The following IL7 variants were observed in gnomAD, a reference collection of about 807,000 sequenced individuals.
IL7 encodes interleukin-7.
In IL7, 3 loss-of-function variants were observed where a neutral mutation model predicts 21.6. The observed-to-expected ratio is 0.14, with a 90% CI of 0.06 to 0.36. IL7 has a LOEUF of 0.36. Ranked by LOEUF, IL7 falls within the 10% of genes least tolerant of loss-of-function variation. The pLI is 1.00. For synonymous variants in IL7, 62 were observed against 68.1 expected (o/e 0.91, Z 0.44); for missense variants, 175 against 200.2 (o/e 0.87, Z 0.76).
At chr8:78,786,650 T>A (rs1338553693) in intron 2 of IL7, among the ~76,000 whole-genome samples, 2 of 152,228 alleles carry the variant, frequency 1.3e-5, no homozygotes, top group South Asian at 4.1e-4. Context: ...GGGGCCATCA[T>A]GGTATATGCA....
intron 5 of IL7, among the ~76,000 whole-genome samples, chr8:78,736,186 A>C (rs1811589719): frequency 6.6e-6 from 1 of 150,522 alleles, no homozygotes; most frequent in Non-Finnish European, 1.5e-5. Flanking sequence ...TTATTTGTTC[A>C]TTTCTTTTAC....
At chr8:78,703,642 C>A (rs1488561837) in intron 3 of IL7, among the ~76,000 whole-genome samples, 1 of 147,950 alleles carries the variant, frequency 6.8e-6, no homozygotes, top group Non-Finnish European at 1.5e-5. Context: ...GTAAATTTTT[C>A]TCCATCCCTT....
At chr8:78,735,276 C>CTTTTTTTTTTTTTTTTGTTTTTTTTTTT (rs1328298966) in intron 5 of IL7, among the ~76,000 whole-genome samples, 6 of 78,516 alleles carry the variant, frequency 7.6e-5, no homozygotes, top group Admixed American at 1.5e-4. Flanking sequence ...CTTTTCTTTT[C>CTTTTTTTTTTTTTTTTGTTTTTTTTTTT]TTTTTTTTTT....
intron 3 of IL7, among the ~76,000 whole-genome samples, chr8:78,739,240 G>T (rs910971118): frequency 6.6e-6 from 1 of 152,034 alleles, no homozygotes; most frequent in Non-Finnish European, 1.5e-5. Flanking sequence ...AAACTTTTTA[G>T]GTTTTTTAAA....
chr8:78,680,219 T>C (rs991659864), intron 4 of IL7, among the ~76,000 whole-genome samples: 31 of 143,120 alleles, frequency 2.2e-4, no homozygotes, highest in African/African-American at 7.9e-4. Context: ...AACTTAAAAA[T>C]TGAATTCTAG....
Position 78,702,360 on chromosome 8 carries a change from T to A in IL7, n.215-16413A>T, listed in dbSNP as rs910427708. On this transcript the variant is annotated intron_variant and non_coding_transcript_variant, in intron 3 of 4. Transcript: ENST00000523959. The stretch of plus-strand genomic sequence containing the variant: ...TGTGTTTATTTGAATATTCTCTATT[T>A]TCTTCTTTTTAGTGTAGCTAGCAGC... 2.6e-5 allele frequency among the ~76,000 whole-genome samples: 4 copies of A among 152,310 alleles called. No individual in the cohort carries two copies. In the East Asian group the frequency reaches 7.7e-4, roughly 29 times the overall value.
At chr8:78,703,571 A>G (rs1314134539) in intron 3 of IL7, among the ~76,000 whole-genome samples, 1 of 150,096 alleles carries the variant, frequency 6.7e-6, no homozygotes, top group Non-Finnish European at 1.5e-5. Context: ...GTTGGTTTAA[A>G]GTCTGTTTTA....
intron 2 of IL7, among the ~76,000 whole-genome samples, chr8:78,763,653 A>G (rs923843384): frequency 6.6e-6 from 1 of 152,250 alleles, no homozygotes; most frequent in Non-Finnish European, 1.5e-5. Context: ...GAATAGGACT[A>G]TATCTATTCA....
At chr8:78,682,073 G>T (rs1187127206) in intron 4 of IL7, among the ~76,000 whole-genome samples, 1 of 151,464 alleles carries the variant, frequency 6.6e-6, no homozygotes, top group Non-Finnish European at 1.5e-5. Context: ...TTGACTTTGT[G>T]GATTCAACAC....
intron 4 of IL7, among the ~76,000 whole-genome samples, chr8:78,683,797 T>G (rs1809866316): frequency 1.3e-5 from 2 of 152,140 alleles, no homozygotes; most frequent in African/African-American, 4.8e-5. Flanking sequence ...TATATTCTGC[T>G]TCCTCTTGAA....
chr8:78,687,490 A>T (rs879930300), intron 3 of IL7, among the ~76,000 whole-genome samples: 2 of 144,962 alleles, frequency 1.4e-5, no homozygotes, highest in East Asian at 3.9e-4. Flanking sequence ...ATAATTATAT[A>T]TGTTTATATA....
intron 4 of IL7, among the ~76,000 whole-genome samples, chr8:78,681,602 G>T (rs1250103981): frequency 6.6e-6 from 1 of 152,120 alleles, no homozygotes; most frequent in East Asian, 1.9e-4. Flanking sequence ...CCCTGAAAGA[G>T]TTTGTGTAAT....
intron 4 of IL7, among the ~76,000 whole-genome samples, chr8:78,682,904 A>G (rs957852810): frequency 3.3e-5 from 5 of 152,220 alleles, no homozygotes; most frequent in African/African-American, 1.2e-4. Flanking sequence ...GAAATGGGCC[A>G]AAACAAAGGG....
chr8:78,762,817 CA>C (rs1812623034), intron 2 of IL7, among the ~76,000 whole-genome samples: 1 of 152,074 alleles, frequency 6.6e-6, no homozygotes, highest in African/African-American at 2.4e-5. Flanking sequence ...TCAGAGGTGT[CA>C]TTTTTTTCTT....
intron 3 of IL7, among the ~76,000 whole-genome samples, chr8:78,700,037 C>T (rs1168026676): frequency 1.3e-5 from 2 of 152,110 alleles, no homozygotes; most frequent in Non-Finnish European, 2.9e-5. Flanking sequence ...TGAGGAATTG[C>T]CACACTGTCT....
chr8:78,741,330 ATAAT>A (rs1811772103), intron 2 of IL7, among the ~76,000 whole-genome samples: 1 of 152,244 alleles, frequency 6.6e-6, no homozygotes, highest in African/African-American at 2.4e-5. Context: ...AATTTAGTGG[ATAAT>A]TAATATTTGC....
In IL7 at chr8:78,697,446, A is replaced by G. The variant is rs776941860; in HGVS notation, n.215-11499T>C. On this transcript the variant is annotated intron_variant and non_coding_transcript_variant, in intron 3 of 4. Coordinates refer to the IL7 transcript ENST00000523959. ...ACTTAAAAAGTCAAATTCTCCTGGA[A>G]CTGCATCATCAGGATCTTCACGATT... 3 of 1,609,748 alleles carry G rather than the reference A, an allele frequency of 1.9e-6. No homozygotes were observed. Among genetic ancestry groups the G allele is most frequent in the African/African-American group, 1.3e-5 (1 of 74,684 alleles).
rs756926616 is a variant in IL7 at position 78,739,984 on chromosome 8, C to T, written c.228+18G>A. On this transcript the variant is annotated intron_variant, in intron 3 of 5. Coordinates refer to ENST00000263851, the MANE Select transcript of IL7 (RefSeq NM_000880.4). ...TAAAATCAAGCTTGAATGACAAACT[C>T]CAAATAATTATCATTACCTTATTAG... 4.7e-6 allele frequency: 7 copies of T among 1,500,212 alleles called. No individual in the cohort carries two copies. In the South Asian group the frequency reaches 5.6e-5, roughly 12 times the overall value. 92.9% of individuals were successfully genotyped at this position (1,500,212 alleles called of 1,614,324 possible).
intron 3 of IL7, among the ~76,000 whole-genome samples, chr8:78,687,835 AATT>A (rs1173342534): frequency 1.2e-4 from 8 of 65,000 alleles, no homozygotes; most frequent in South Asian, 1.1e-3. Context: ...TCATGTAATA[AATT>A]ATATATATAT....
Sources: allele counts gnomAD v4.1 joint callset (sites outside exome capture counted in the v4.1 genomes callset), GRCh38; gene constraint gnomAD v4.1.1; transcripts MANE v1.5; gene names NCBI Gene and HGNC (gene_info 2026-07-23, HGNC 2026-07-21).